CHN2: variants seen among roughly 807,000 people sequenced by gnomAD.
CHN2 encodes the protein beta-chimaerin.
CHN2 carries 35 observed loss-of-function variants against 56.3 expected under a neutral mutation model. The ratio of observed to expected loss-of-function variants is 0.62; its 90% CI spans 0.47 to 0.82. The LOEUF (loss-of-function observed/expected upper bound fraction) is 0.82. Ranked by LOEUF, CHN2 falls within the 40% of genes least tolerant of loss-of-function variation. The pLI, the probability that CHN2 is intolerant of heterozygous loss-of-function variation, is 0.00. For synonymous variants in CHN2, 210 were observed against 212.8 expected (o/e 0.99, Z 0.12); for missense variants, 491 against 580.5 (o/e 0.85, Z 1.58).
At chr7:29,398,623 G>T in intron 5 of CHN2, 137 bp downstream of exon 5, 3 of 624,752 alleles carry the variant, frequency 4.8e-6, no homozygotes, top group South Asian at 1.9e-5. Flanking sequence ...TGAGGGGGGG[G>T]TCCCACTCTC....
In CHN2 at chr7:29,493,196, C is replaced by G. The variant is rs574742021; in HGVS notation, c.655-2756C>G. On this transcript the variant is annotated intron_variant, in intron 7 of 12. Coordinates refer to ENST00000222792, the MANE Select transcript of CHN2 (RefSeq NM_004067.4). ...CTTACTGTTATGTTACAGTTGCCTACAGTATTTAGTAAAGTGACATGCTGT... is the reference window on the plus strand; with the variant it reads ...CTTACTGTTATGTTACAGTTGCCTAGAGTATTTAGTAAAGTGACATGCTGT... Among the ~76,000 whole-genome samples, 3 of 152,158 alleles carry G rather than the reference C, an allele frequency of 2.0e-5. No homozygotes were observed. The East Asian group carries it at 5.8e-4, about 29-fold the overall frequency.
chr7:29,462,082 C>A (rs1377350003), intron 6 of CHN2, among the ~76,000 whole-genome samples: 1 of 152,180 alleles, frequency 6.6e-6, no homozygotes, highest in Non-Finnish European at 1.5e-5. Flanking sequence ...CATTGTTTCA[C>A]ACGCATTTTG....
At chr7:29,230,541 A>C (rs752254899) in intron 1 of CHN2, among the ~76,000 whole-genome samples, 1 of 152,164 alleles carries the variant, frequency 6.6e-6, no homozygotes, top group African/African-American at 2.4e-5. Flanking sequence ...GAGTTTCACC[A>C]TGTTGGCCAG....
At chr7:29,262,155 C>T (rs1789605679) in intron 1 of CHN2, among the ~76,000 whole-genome samples, 1 of 152,112 alleles carries the variant, frequency 6.6e-6, no homozygotes, top group Non-Finnish European at 1.5e-5. Context: ...GTGACAGAGC[C>T]AGACTCAGCC....
intron 3 of CHN2, among the ~76,000 whole-genome samples, chr7:29,370,547 A>G (rs1379447641): frequency 4.6e-5 from 7 of 151,982 alleles, no homozygotes; most frequent in African/African-American, 9.7e-5. Flanking sequence ...TCTTCAATCT[A>G]TCTCTTCCCA....
At chr7:29,393,392 A>T (rs1001837232) in intron 3 of CHN2, among the ~76,000 whole-genome samples, 3 of 152,210 alleles carry the variant, frequency 2.0e-5, no homozygotes, top group African/African-American at 7.2e-5. Flanking sequence ...ATATCCTTAC[A>T]AATTCCTTAA....
chr7:29,410,436 CTT>C (rs1165765626), intron 6 of CHN2, among the ~76,000 whole-genome samples: 3 of 151,098 alleles, frequency 2.0e-5, no homozygotes, highest in Admixed American at 2.0e-4. Context: ...TTAGGGTTCT[CTT>C]GATTAAAGGT....
chr7:29,211,201 G>T (rs1370797889), intron 1 of CHN2, among the ~76,000 whole-genome samples: 1 of 151,892 alleles, frequency 6.6e-6, no homozygotes, highest in African/African-American at 2.4e-5. Flanking sequence ...CTCCTGAGGA[G>T]CTGGGACTAA....
intron 11 of CHN2, 111 bp downstream of exon 11, chr7:29,507,476 C>T: frequency 2.4e-6 from 2 of 822,932 alleles, no homozygotes. Context: ...TTGTGCCTGT[C>T]TTGTCAAGTG....
rs538153778 is a variant in CHN2 at position 29,443,527 on chromosome 7, A to G, written c.577-36752A>G. The stretch of plus-strand genomic sequence containing the variant: ...TACATGACTATGTGTGTGTGTGTAT[A>G]TATACACACAGGCACACATCTGTCA... On this transcript the variant is annotated intron_variant, in intron 6 of 12. Transcript: ENST00000222792. 7.7e-4 allele frequency among the ~76,000 whole-genome samples: 118 copies of G among 152,280 alleles called. 2 individuals are homozygous for G. In the South Asian group the frequency reaches 0.011, roughly 15 times the overall value.
chr7:29,153,717 G>A (rs1300791238), intron 2 of CHN2, among the ~76,000 whole-genome samples: 2 of 152,034 alleles, frequency 1.3e-5, no homozygotes, highest in Non-Finnish European at 2.9e-5. Context: ...TTACAGGTGT[G>A]TGCCACCACA....
At chr7:29,484,109 T>C in intron 7 of CHN2, 1 of 382,964 alleles carries the variant, frequency 2.6e-6, no homozygotes, top group South Asian at 2.1e-5. Flanking sequence ...GTCTCTTTTC[T>C]ACCATCTCTT....
At chr7:29,373,180 T>C (rs1027546672) in intron 3 of CHN2, among the ~76,000 whole-genome samples, 4 of 150,298 alleles carry the variant, frequency 2.7e-5, no homozygotes, top group African/African-American at 9.7e-5. Flanking sequence ...TGGCCAATCT[T>C]TTTTTTTTTT....
At chr7:29,217,698 T>C (rs1025520201) in intron 1 of CHN2, among the ~76,000 whole-genome samples, 2 of 152,208 alleles carry the variant, frequency 1.3e-5, no homozygotes, top group African/African-American at 4.8e-5. Flanking sequence ...GTTCTTCCTT[T>C]AATAGCTCGG....
chr7:29,491,499 C>T (rs1238796179), intron 7 of CHN2, among the ~76,000 whole-genome samples: 2 of 152,140 alleles, frequency 1.3e-5, no homozygotes, highest in Non-Finnish European at 1.5e-5. Flanking sequence ...GCCCTGGACA[C>T]CTGGGCTCAA....
At chr7:29,467,739 G>A (rs1785655878) in intron 6 of CHN2, among the ~76,000 whole-genome samples, 1 of 152,300 alleles carries the variant, frequency 6.6e-6, no homozygotes, top group East Asian at 1.9e-4. Context: ...AGCTGTGCAA[G>A]CTTGCATAGT....
intron 6 of CHN2, among the ~76,000 whole-genome samples, chr7:29,404,800 A>G (rs888889166): frequency 1.3e-5 from 2 of 152,142 alleles, no homozygotes; most frequent in Non-Finnish European, 2.9e-5. Context: ...CGTGGGCTCA[A>G]GCGATCCTCC....
intron 1 of CHN2, among the ~76,000 whole-genome samples, chr7:29,304,681 C>T (rs747593471): frequency 2.0e-5 from 3 of 152,204 alleles, no homozygotes; most frequent in Non-Finnish European, 4.4e-5. Flanking sequence ...TTTTGTGACT[C>T]TTAAGCCCTC....
chr7:29,270,929 C>T (rs1326035226), intron 1 of CHN2, among the ~76,000 whole-genome samples: 1 of 152,026 alleles, frequency 6.6e-6, no homozygotes, highest in Non-Finnish European at 1.5e-5. Context: ...TCATATTTTC[C>T]ATGCAGATAA....
Sources: gnomAD v4.1 joint callset for allele counts (sites outside exome capture counted in the v4.1 genomes callset) on GRCh38, gnomAD v4.1.1 for gene constraint, MANE v1.5 for transcripts, NCBI Gene and HGNC (gene_info 2026-07-23, HGNC 2026-07-21) for gene names.